The following IQCM variants were observed in gnomAD, a reference collection of about 807,000 sequenced individuals.
IQCM encodes the protein IQ motif containing M.
A neutral mutation model predicts 57.6 loss-of-function variants in IQCM; 45 were observed. That is an observed-to-expected ratio of 0.78 (90% confidence interval 0.62 to 1.00). IQCM has a LOEUF of 1.00. Ranked by LOEUF, IQCM falls within the 50% of genes least tolerant of loss-of-function variation. IQCM has a pLI of 0.00. For synonymous variants in IQCM, 148 were observed against 158.9 expected, an observed-to-expected ratio of 0.93 and a Z score of 0.51; for missense variants, 468 against 511.6, an observed-to-expected ratio of 0.91 and a Z score of 0.82.
At chr4:149,574,804 AT>A (rs1306182259) in intron 9 of IQCM, among the ~76,000 whole-genome samples, 1 of 151,940 alleles carries the variant, frequency 6.6e-6, no homozygotes, top group Non-Finnish European at 1.5e-5. Flanking sequence ...TAAAAGCACT[AT>A]TTGCCCATCT....
chr4:149,788,917 C>T (rs1772319489), intron 2 of IQCM, among the ~76,000 whole-genome samples: 1 of 152,148 alleles, frequency 6.6e-6, no homozygotes, highest in Non-Finnish European at 1.5e-5. Context: ...ATCACATGTT[C>T]TCACTCCTAT....
chr4:149,392,162 T>C (rs1376743001), intron 13 of IQCM, among the ~76,000 whole-genome samples: 1 of 151,572 alleles, frequency 6.6e-6, no homozygotes, highest in Non-Finnish European at 1.5e-5. Flanking sequence ...AGTCCATTAG[T>C]AGGTTAATGT....
In IQCM at chr4:149,549,242, G is replaced by C. The variant is rs28678043; in HGVS notation, c.1094-653C>G. On this transcript the variant is annotated intron_variant, in intron 11 of 13. Transcript: ENST00000636793. ...TGAGCAAGAAAATTGATGGCCGGGC[G>C]CGGTGGCTCACGCCTGTAATCCCAG... 2.6e-3 allele frequency among the ~76,000 whole-genome samples: 399 copies of C among 152,278 alleles called. 3 individuals are homozygous for C. Among genetic ancestry groups the C allele is most frequent in the African/African-American group, 9.1e-3 (377 of 41,566 alleles).
At chr4:149,384,831 A>G (rs1017276183) in intron 13 of IQCM, among the ~76,000 whole-genome samples, 1 of 151,856 alleles carries the variant, frequency 6.6e-6, no homozygotes, top group African/African-American at 2.4e-5. Flanking sequence ...CTCTTTTGAC[A>G]TCTCATGACA....
In IQCM at chr4:149,691,711, A is replaced by G. The variant is rs1459038163; in HGVS notation, c.386-5243T>C. 3.3e-5 allele frequency: 5 copies of G among 152,206 alleles called. No homozygotes were observed. In the East Asian group the frequency reaches 9.6e-4, roughly 29 times the overall value. 9.4% of individuals were successfully genotyped at this position (152,206 alleles called of 1,614,324 possible). On this transcript the variant is annotated intron_variant, in intron 5 of 13. Transcript: ENST00000636793. Reference sequence around the variant, plus strand: ...CAAGTCAGATAGGAAAGGAGCCAATATAGATCAAGAGATTACAGATACTCA... The same window carrying G: ...CAAGTCAGATAGGAAAGGAGCCAATGTAGATCAAGAGATTACAGATACTCA...
intron 5 of IQCM, among the ~76,000 whole-genome samples, chr4:149,697,475 G>A (rs781372136): frequency 1.3e-5 from 2 of 152,100 alleles, no homozygotes; most frequent in African/African-American, 4.8e-5. Flanking sequence ...CAGATTAAAT[G>A]TCTGGTAGCC....
intron 5 of IQCM, among the ~76,000 whole-genome samples, chr4:149,709,096 G>A (rs1764369699): frequency 6.6e-6 from 1 of 152,060 alleles, no homozygotes; most frequent in South Asian, 2.1e-4. Context: ...TTTCATAGCA[G>A]TTTATTAAGT....
At chr4:149,404,521 T>C (rs1264996542) in intron 13 of IQCM, among the ~76,000 whole-genome samples, 1 of 152,070 alleles carries the variant, frequency 6.6e-6, no homozygotes, top group Admixed American at 6.6e-5. Context: ...GGTGGAGATA[T>C]TATGAAAAGT....
chr4:149,384,756 T>C (rs1014277803), intron 13 of IQCM, among the ~76,000 whole-genome samples: 1 of 152,066 alleles, frequency 6.6e-6, no homozygotes. Context: ...ATCTTTTTTT[T>C]TTTTGTCAGT....
chr4:149,504,062 A>T (rs977763621), intron 12 of IQCM, among the ~76,000 whole-genome samples: 2 of 151,584 alleles, frequency 1.3e-5, no homozygotes, highest in Non-Finnish European at 2.9e-5. Flanking sequence ...GCCAATGAAT[A>T]AAAAAAAATT....
At position 149,504,827 on chromosome 4, in the gene IQCM, C is replaced by A. The variant is rs181598618; in HGVS notation, c.1228+43628G>T. On this transcript the variant is annotated intron_variant, in intron 12 of 13. Coordinates refer to ENST00000636793, the MANE Select transcript of IQCM (RefSeq NM_001363507.2). ...ACTCAGGAGGCTTAGGCAAAAGAAT[C>A]GCTTGAGCCCAGGAGGCAGAGGTTG... 1.4e-4 allele frequency among the ~76,000 whole-genome samples: 22 copies of A among 152,144 alleles called. 1 individual carries two copies. Among genetic ancestry groups the A allele is most frequent in the African/African-American group, 5.1e-4 (21 of 41,510 alleles).
intron 13 of IQCM, among the ~76,000 whole-genome samples, chr4:149,378,551 T>C (rs543870466): frequency 6.6e-6 from 1 of 152,192 alleles, no homozygotes; most frequent in South Asian, 2.1e-4. Context: ...CCTGCCCTTT[T>C]TTGAGATTTG....
chr4:149,698,642 G>A (rs1763522416), intron 5 of IQCM, among the ~76,000 whole-genome samples: 1 of 152,030 alleles, frequency 6.6e-6, no homozygotes, highest in South Asian at 2.1e-4. Context: ...GTAAGATGAA[G>A]TTTGCACAAC....
chr4:149,397,527 C>T (rs1199449676), intron 13 of IQCM, among the ~76,000 whole-genome samples: 1 of 151,938 alleles, frequency 6.6e-6, no homozygotes, highest in East Asian at 1.9e-4. Flanking sequence ...CTCTCTCTCG[C>T]TGCCATGTAA....
intron 2 of IQCM, among the ~76,000 whole-genome samples, chr4:149,790,495 G>A (rs1239611325): frequency 6.6e-6 from 1 of 152,214 alleles, no homozygotes; most frequent in Non-Finnish European, 1.5e-5. Context: ...CCACCTGGAT[G>A]TGGATGTTTG....
chr4:149,433,683 T>G (rs1403589464), intron 12 of IQCM, 126 bp from the exon 13 acceptor site: 2 of 395,344 alleles, frequency 5.1e-6, no homozygotes, highest in Admixed American at 4.5e-5. Context: ...AAACATGTCT[T>G]TTTTTTTAGT....
intron 12 of IQCM, among the ~76,000 whole-genome samples, chr4:149,481,493 C>T (rs1222333849): frequency 6.6e-6 from 1 of 151,908 alleles, no homozygotes; most frequent in Non-Finnish European, 1.5e-5. Context: ...GTTTTCTCAG[C>T]ACCATTTATT....
chr4:149,649,250 T>C (rs1758941508), intron 7 of IQCM, among the ~76,000 whole-genome samples: 1 of 151,960 alleles, frequency 6.6e-6, no homozygotes, highest in Non-Finnish European at 1.5e-5. Flanking sequence ...ATCTGCTGGG[T>C]GATGGAATGG....
chr4:149,674,041 C>A (rs2150185375), intron 7 of IQCM, among the ~76,000 whole-genome samples: 1 of 152,104 alleles, frequency 6.6e-6, no homozygotes, highest in African/African-American at 2.4e-5. Context: ...ATTATTTTTT[C>A]ATATTTAAGC....
Sources: allele counts gnomAD v4.1 joint callset (sites outside exome capture counted in the v4.1 genomes callset), GRCh38; gene constraint gnomAD v4.1.1; transcripts MANE v1.5; gene names NCBI Gene and HGNC (gene_info 2026-07-23, HGNC 2026-07-21).